Variants in CFAP95 observed in about 807,000 individuals in gnomAD.
The protein encoded by CFAP95 is cilia- and flagella-associated protein 95.
chr9:69,859,344 CT>C, the CFAP95 span, among the ~76,000 whole-genome samples: 3 of 150,796 alleles, frequency 2.0e-5, no homozygotes. Context: ...TTTATAGGAT[CT>C]TTTTTTTTGG....
the CFAP95 span, among the ~76,000 whole-genome samples, chr9:69,883,687 T>C: frequency 2.0e-5 from 3 of 152,168 alleles, no homozygotes; most frequent in African/African-American, 7.2e-5. Context: ...TTTCCTGTAG[T>C]AGCCACTAAC....
the CFAP95 span, among the ~76,000 whole-genome samples, chr9:69,850,310 C>G: frequency 6.6e-6 from 1 of 152,164 alleles, no homozygotes; most frequent in Non-Finnish European, 1.5e-5. Context: ...TTGGAACTAA[C>G]AGGACAACAT....
the CFAP95 span, among the ~76,000 whole-genome samples, chr9:69,898,788 C>A: frequency 6.6e-6 from 1 of 152,194 alleles, no homozygotes; most frequent in South Asian, 2.1e-4. Context: ...ATCTGTCCCA[C>A]AGCACTACCT....
the CFAP95 span, among the ~76,000 whole-genome samples, chr9:69,901,523 T>A: frequency 3.4e-5 from 5 of 146,882 alleles, no homozygotes; most frequent in Non-Finnish European, 7.5e-5. Flanking sequence ...CATGAACTCA[T>A]CCTTTTTATG....
chr9:69,822,635 G>A, the CFAP95 span, among the ~76,000 whole-genome samples: 1 of 152,084 alleles, frequency 6.6e-6, no homozygotes, highest in African/African-American at 2.4e-5. Context: ...TTTTGCAAAG[G>A]GACAGTGCTT....
the CFAP95 span, among the ~76,000 whole-genome samples, chr9:69,834,436 G>C: frequency 6.7e-6 from 1 of 148,348 alleles, no homozygotes; most frequent in Admixed American, 6.7e-5. Context: ...CCCTCTAAAA[G>C]TGTCCCAGGT....
the CFAP95 span, among the ~76,000 whole-genome samples, chr9:69,848,126 C>T: frequency 6.6e-6 from 1 of 152,070 alleles, no homozygotes. Context: ...GTGTGCCTCA[C>T]GAAGTTAGAC....
At chr9:69,831,456 A>G in the CFAP95 span, among the ~76,000 whole-genome samples, 2 of 151,956 alleles carry the variant, frequency 1.3e-5, no homozygotes, top group African/African-American at 4.8e-5. Context: ...TGCATTTATT[A>G]AAAGTGTATT....
chr9:69,825,506 C>A, the CFAP95 span, among the ~76,000 whole-genome samples: 2 of 152,174 alleles, frequency 1.3e-5, no homozygotes, highest in Admixed American at 1.3e-4. Flanking sequence ...CTCTTCCTTG[C>A]AACTGAAGTG....
chr9:69,843,698 T>G, the CFAP95 span, among the ~76,000 whole-genome samples: 1 of 148,588 alleles, frequency 6.7e-6, no homozygotes, highest in African/African-American at 2.5e-5. Flanking sequence ...AGGCTGGAGT[T>G]CAGTGGCACA....
At chr9:69,901,685 A>G in the CFAP95 span, among the ~76,000 whole-genome samples, 2 of 152,240 alleles carry the variant, frequency 1.3e-5, no homozygotes, top group South Asian at 2.1e-4. Flanking sequence ...ATGATTTATA[A>G]TCCTTTGGGT....
At chr9:69,905,354 G>A in the CFAP95 span, among the ~76,000 whole-genome samples, 87,979 of 152,004 alleles carry the variant, frequency 0.58, 28,898 homozygotes, top group Non-Finnish European at 0.74. Context: ...TGGTGTAATC[G>A]GAAAGAATCA....
At chr9:69,844,528 G>C in the CFAP95 span, 1 of 1,598,162 alleles carries the variant, frequency 6.3e-7, no homozygotes, top group Non-Finnish European at 8.5e-7. Flanking sequence ...CACCGTGACA[G>C]AGAAGCTTTT....
the CFAP95 span, chr9:69,820,902 G>A: frequency 1.9e-6 from 3 of 1,613,990 alleles, no homozygotes; most frequent in African/African-American, 1.3e-5. Context: ...GACAGATCCT[G>A]CCAGGACTGG....
chr9:69,878,028 T>C, the CFAP95 span, among the ~76,000 whole-genome samples: 4 of 152,196 alleles, frequency 2.6e-5, no homozygotes, highest in Non-Finnish European at 2.9e-5. Context: ...AATGAAAACT[T>C]TGGGCAGTTT....
the CFAP95 span, among the ~76,000 whole-genome samples, chr9:69,901,933 T>A: frequency 6.6e-6 from 1 of 152,224 alleles, no homozygotes; most frequent in African/African-American, 2.4e-5. Context: ...ATTTCTCTGA[T>A]GGCCAATGAT....
the CFAP95 span, among the ~76,000 whole-genome samples, chr9:69,854,563 T>A: frequency 6.6e-6 from 1 of 152,214 alleles, no homozygotes; most frequent in African/African-American, 2.4e-5. Context: ...TTCCCTTTTT[T>A]AAAACAGAAA....
the CFAP95 span, among the ~76,000 whole-genome samples, chr9:69,860,421 C>T: frequency 1.3e-5 from 2 of 152,206 alleles, no homozygotes; most frequent in South Asian, 4.1e-4. Flanking sequence ...CACCAAGCCA[C>T]TCATGAGGTA....
chr9:69,864,320 T>C, the CFAP95 span, among the ~76,000 whole-genome samples: 2 of 152,028 alleles, frequency 1.3e-5, no homozygotes, highest in South Asian at 2.1e-4. Context: ...TGTATGTGCA[T>C]GTGTGTATAC....
Sources: gnomAD v4.1 joint callset for allele counts (sites outside exome capture counted in the v4.1 genomes callset) on GRCh38, gnomAD v4.1.1 for gene constraint, MANE v1.5 for transcripts, NCBI Gene and HGNC (gene_info 2026-07-23, HGNC 2026-07-21) for gene names.